SCNN1B: variants seen among roughly 807,000 people sequenced by gnomAD.
SCNN1B encodes sodium channel epithelial 1 subunit beta, also known as epithelial sodium channel subunit beta.
In SCNN1B, 46 loss-of-function variants were observed where a neutral mutation model predicts 65.3. The ratio of observed to expected loss-of-function variants is 0.70; its 90% confidence interval spans 0.56 to 0.90. The LOEUF is 0.90. SCNN1B is among the 40% of genes least tolerant of loss of function. The pLI, the probability that SCNN1B is intolerant of heterozygous loss-of-function variation, is 0.00. For synonymous variants in SCNN1B, 349 were observed against 330.6 expected, an observed-to-expected ratio of 1.06 and a Z score of -0.60; for missense variants, 751 against 830.5, an observed-to-expected ratio of 0.90 and a Z score of 1.18.
intron 1 of SCNN1B, among the ~76,000 whole-genome samples, chr16:23,318,711 G>A (rs970091878): frequency 2.6e-5 from 4 of 152,236 alleles, no homozygotes; most frequent in African/African-American, 9.6e-5. Context: ...GAGATCATGT[G>A]AGTAAAGCTA....
intron 1 of SCNN1B, among the ~76,000 whole-genome samples, chr16:23,318,997 G>A (rs181045481): frequency 8.5e-4 from 129 of 152,184 alleles, no homozygotes; most frequent in African/African-American, 2.9e-3. Flanking sequence ...GGAAGGAGGA[G>A]GAGTCCTGCA....
chr16:23,353,726 G>T (rs1044895038), intron 3 of SCNN1B, among the ~76,000 whole-genome samples: 7 of 152,246 alleles, frequency 4.6e-5, no homozygotes, highest in Non-Finnish European at 1.0e-4. Flanking sequence ...GTTATCAAAA[G>T]ATAGGGGCAT....
In SCNN1B at chr16:23,380,937, A is replaced by G. The variant is rs967207018; in HGVS notation, c.*136A>G. 1 of 958,502 alleles carries G rather than the reference A, an allele frequency of 1.0e-6. No homozygotes were observed. Among genetic ancestry groups the G allele is most frequent in the Non-Finnish European group, 1.7e-6 (1 of 597,418 alleles). The allele number at this position is 958,502 out of a possible 1,614,324, so 59.4% of individuals were successfully genotyped here. On this transcript the variant is annotated 3_prime_UTR_variant, in exon 13 of 13. Transcript: ENST00000343070. This position sits in a 1 kb window ranked among gnomAD's most constrained non-coding sequence, Gnocchi z 5.4. Reference sequence around the variant, plus strand: ...GGCCAGAGCTTGTGTCCTTCAACAGAGAGGCCAGCGGCAACTGGTCCGTTA... The same window carrying G: ...GGCCAGAGCTTGTGTCCTTCAACAGGGAGGCCAGCGGCAACTGGTCCGTTA...
At chr16:23,292,498 A>G (rs1416849467) in intron 2 of SCNN1B, among the ~76,000 whole-genome samples, 1 of 146,936 alleles carries the variant, frequency 6.8e-6, no homozygotes, top group African/African-American at 2.5e-5. Context: ...TGCTTGGCCA[A>G]TCCCTTTTAC....
chr16:23,343,157 AAG>A (rs1453781812), intron 1 of SCNN1B, among the ~76,000 whole-genome samples: 1 of 152,144 alleles, frequency 6.6e-6, no homozygotes, highest in Non-Finnish European at 1.5e-5. Flanking sequence ...CCTGTCTCGT[AAG>A]AGAACTGAAA....
chr16:23,340,541 CTTTT>C (rs138210902), intron 1 of SCNN1B, among the ~76,000 whole-genome samples: 4 of 152,058 alleles, frequency 2.6e-5, no homozygotes, highest in African/African-American at 7.3e-5. Context: ...AAAAATTACA[CTTTT>C]TTATTTTTTT....
At chr16:23,362,505 G>A (rs746362560) in intron 4 of SCNN1B, among the ~76,000 whole-genome samples, 8 of 152,112 alleles carry the variant, frequency 5.3e-5, no homozygotes, top group Non-Finnish European at 1.0e-4. Flanking sequence ...ACTGCTTCCT[G>A]CTAGGATGCT....
Position 23,367,826 on chromosome 16 carries a change from C to T in SCNN1B, c.777-30C>T, listed in dbSNP as rs897173692. ...GGGGAGGCATTGCCTGTGGTGGAAC[C>T]TGCCCTGCAGCTGATGCTGTTTCTT... On this transcript the variant is annotated intron_variant, in intron 4 of 12. Transcript: ENST00000343070. 2 of 1,558,310 alleles carry T rather than the reference C, an allele frequency of 1.3e-6. 1 individual carries two copies.
intron 7 of SCNN1B, among the ~76,000 whole-genome samples, chr16:23,373,990 G>A (rs1192052158): frequency 1.3e-5 from 2 of 152,140 alleles, no homozygotes; most frequent in African/African-American, 4.8e-5. Flanking sequence ...CTGATCGGGA[G>A]CTCTGCCCAT....
Position 23,362,340 on chromosome 16 carries a change from A to T in SCNN1B, c.777-5516A>T, listed in dbSNP as rs369043243. Among the ~76,000 whole-genome samples the T allele has an allele frequency of 1.2e-4, 18 of 152,090 alleles. No individual in the cohort carries two copies. In the East Asian group the frequency reaches 1.9e-3, roughly 16 times the overall value. On this transcript the variant is annotated intron_variant, in intron 4 of 12. Transcript: ENST00000343070. ...AGCCTGAGCAATCTCAAAAAAAAAAAAAATAAAGTTAAATAAAATTTAAAA... is the reference window on the plus strand; with the variant it reads ...AGCCTGAGCAATCTCAAAAAAAAAATAAATAAAGTTAAATAAAATTTAAAA...
chr16:23,297,000 AAAAAAAAG>A (rs1961006900), intron 2 of SCNN1B, among the ~76,000 whole-genome samples: 1 of 149,944 alleles, frequency 6.7e-6, no homozygotes, highest in Non-Finnish European at 1.5e-5. Context: ...CAAAAAAAAA[AAAAAAAAG>A]AGAGAGAGAG....
At chr16:23,368,024 G>A in intron 5 of SCNN1B, 65 bp downstream of exon 5, 2 of 1,248,998 alleles carry the variant, frequency 1.6e-6, no homozygotes, top group Admixed American at 3.4e-5. Flanking sequence ...ATGTGGGACT[G>A]AAAGACCATC....
intron 1 of SCNN1B, among the ~76,000 whole-genome samples, chr16:23,330,412 T>A (rs1961787498): frequency 6.6e-6 from 1 of 152,054 alleles, no homozygotes; most frequent in Non-Finnish European, 1.5e-5. Flanking sequence ...CTGAGAGAGA[T>A]GAGGGCCTTG....
intron 1 of SCNN1B, among the ~76,000 whole-genome samples, chr16:23,317,867 A>G (rs1048639475): frequency 2.0e-5 from 3 of 152,202 alleles, no homozygotes; most frequent in South Asian, 2.1e-4. Flanking sequence ...GTCATTGTCA[A>G]TCACACAGAC....
intron 1 of SCNN1B, among the ~76,000 whole-genome samples, chr16:23,339,201 G>A (rs1466111983): frequency 2.6e-5 from 4 of 151,976 alleles, no homozygotes. Context: ...TGTATCAATA[G>A]TTGGTTCCTT....
At chr16:23,295,715 T>C (rs535770822) in intron 2 of SCNN1B, among the ~76,000 whole-genome samples, 33 of 152,242 alleles carry the variant, frequency 2.2e-4, no homozygotes, top group South Asian at 2.1e-4. Flanking sequence ...TGACAGAATA[T>C]ATATTATCAT....
intron 7 of SCNN1B, among the ~76,000 whole-genome samples, chr16:23,374,948 C>T (rs1006460691): frequency 4.6e-5 from 7 of 152,136 alleles, no homozygotes; most frequent in African/African-American, 1.7e-4. Context: ...TGATGTGGCC[C>T]TGAATCCTCC....
At chr16:23,377,660 T>TCCC (rs1962938747) in intron 10 of SCNN1B, among the ~76,000 whole-genome samples, 1 of 87,274 alleles carries the variant, frequency 1.1e-5, no homozygotes, top group Non-Finnish European at 2.5e-5. Flanking sequence ...TCCCTTCTTC[T>TCCC]TTCCTTCCTT....
rs557440669 is a variant in SCNN1B at position 23,376,753 on chromosome 16, A to G, written c.1271-412A>G. Reference sequence around the variant, plus strand: ...GGCAAAACCCCGTCTATAAAAAAAAAAAAAAAAGAAAGAAAGAAAAAAAAA... The same window carrying G: ...GGCAAAACCCCGTCTATAAAAAAAAGAAAAAAAGAAAGAAAGAAAAAAAAA... On this transcript the variant is annotated intron_variant, in intron 8 of 12. Coordinates refer to ENST00000343070, the MANE Select transcript of SCNN1B (RefSeq NM_000336.3). 1.9e-3 allele frequency among the ~76,000 whole-genome samples: 285 copies of G among 152,040 alleles called. 2 individuals are homozygous for G. The highest frequency in any genetic ancestry group is 6.5e-3 in the African/African-American group (271 of 41,506).
Sources: allele counts gnomAD v4.1 joint callset (sites outside exome capture counted in the v4.1 genomes callset), GRCh38; gene constraint gnomAD v4.1.1; non-coding constraint Gnocchi (gnomAD v3.1); transcripts MANE v1.5; gene names NCBI Gene and HGNC (gene_info 2026-07-23, HGNC 2026-07-21).